Variants in CDH13 observed in about 807,000 individuals in gnomAD.
CDH13 encodes the protein cadherin 13.
CDH13 carries 24 observed loss-of-function variants against 63.8 expected under a neutral mutation model. That is an observed-to-expected ratio of 0.38 (90% confidence interval 0.27 to 0.53). The LOEUF is 0.53. CDH13 is among the 20% of genes least tolerant of loss of function. The pLI, the probability that CDH13 is intolerant of heterozygous loss-of-function variation, is 0.85. For synonymous variants in CDH13, 503 were observed against 355.3 expected, an observed-to-expected ratio of 1.42 and a Z score of -4.67; for missense variants, 1,049 against 903.1, an observed-to-expected ratio of 1.16 and a Z score of -2.07.
At chr16:83,251,682 A>T (rs1212796849) in intron 5 of CDH13, among the ~76,000 whole-genome samples, 2 of 152,224 alleles carry the variant, frequency 1.3e-5, no homozygotes, top group Non-Finnish European at 2.9e-5. Flanking sequence ...CTTCGTTGAC[A>T]AGCCAAGCCT....
intron 6 of CDH13, among the ~76,000 whole-genome samples, chr16:83,436,539 CT>C (rs1341946715): frequency 1.3e-5 from 2 of 152,056 alleles, no homozygotes; most frequent in Non-Finnish European, 2.9e-5. Context: ...CCATGGACAC[CT>C]TAATGCTTTC....
At chr16:82,666,757 G>T (rs535956130) in intron 1 of CDH13, among the ~76,000 whole-genome samples, 1 of 152,196 alleles carries the variant, frequency 6.6e-6, no homozygotes, top group East Asian at 1.9e-4. Flanking sequence ...GTTAAATGGT[G>T]TGCTCAAGGT....
intron 5 of CDH13, among the ~76,000 whole-genome samples, chr16:83,309,764 G>C (rs946167165): frequency 1.3e-5 from 2 of 152,090 alleles, no homozygotes; most frequent in Non-Finnish European, 2.9e-5. Flanking sequence ...ATGAGCCTCA[G>C]CCTTCTGGAA....
chr16:82,667,886 G>A (rs1428552092), intron 1 of CDH13, among the ~76,000 whole-genome samples: 1 of 152,154 alleles, frequency 6.6e-6, no homozygotes, highest in South Asian at 2.1e-4. Context: ...TTTCAAAGCT[G>A]TCTCAAAATG....
At chr16:82,720,990 A>G (rs2032734514) in intron 1 of CDH13, among the ~76,000 whole-genome samples, 2 of 152,218 alleles carry the variant, frequency 1.3e-5, no homozygotes, top group East Asian at 1.9e-4. Context: ...CTCTCCCCAC[A>G]TGATTATGGG....
At chr16:82,885,464 T>C (rs992542610) in intron 2 of CDH13, among the ~76,000 whole-genome samples, 2 of 24,760 alleles carry the variant, frequency 8.1e-5, no homozygotes, top group Admixed American at 6.5e-4. Context: ...TTCATCCACC[T>C]ACCCATCCAT....
intron 6 of CDH13, among the ~76,000 whole-genome samples, chr16:83,461,054 A>G (rs1297194985): frequency 6.6e-6 from 1 of 151,540 alleles, no homozygotes; most frequent in East Asian, 1.9e-4. Context: ...TTTTCCTAAG[A>G]GGAAAGGTAG....
chr16:83,302,079 C>G (rs889729), intron 5 of CDH13, among the ~76,000 whole-genome samples: 119,608 of 152,094 alleles, frequency 0.79, 48,820 homozygotes, highest in East Asian at 0.97. Flanking sequence ...ATCGTCCTTA[C>G]CTCATGTTGT....
At chr16:83,228,364 T>C (rs796821794) in intron 5 of CDH13, among the ~76,000 whole-genome samples, 4 of 152,266 alleles carry the variant, frequency 2.6e-5, no homozygotes, top group African/African-American at 7.2e-5. Context: ...CTAAAATTAT[T>C]GCATGGTTTG....
intron 10 of CDH13, among the ~76,000 whole-genome samples, chr16:83,678,969 T>A (rs544111552): frequency 6.6e-6 from 1 of 152,312 alleles, no homozygotes; most frequent in East Asian, 1.9e-4. Context: ...GCAAAGTTCA[T>A]GCTCCTTCTA....
In CDH13 at chr16:83,670,617, C is replaced by T. The variant is rs936617767; in HGVS notation, c.1102-173C>T. On this transcript the variant is annotated intron_variant, in intron 8 of 13. Coordinates refer to ENST00000567109, the MANE Select transcript of CDH13 (RefSeq NM_001257.5). The stretch of plus-strand genomic sequence containing the variant: ...GAGAGAAGTTAGTCTCGTGGCCTCA[C>T]CTAAGTTCAAGGAAAGCTGAGAAGA... Among the ~76,000 whole-genome samples the T allele has an allele frequency of 8.5e-5, 13 of 152,320 alleles. No homozygotes were observed. The East Asian group carries it at 2.3e-3, about 27-fold the overall frequency.
chr16:83,793,231 C>T (rs1180104638), intron 13 of CDH13, among the ~76,000 whole-genome samples: 1 of 152,170 alleles, frequency 6.6e-6, no homozygotes, highest in Admixed American at 6.5e-5. Context: ...GAATTCACGC[C>T]TCTGCTGGAA....
Position 82,724,987 on chromosome 16 carries a change from G to C in CDH13, c.45+97850G>C, listed in dbSNP as rs2033010296. Among the ~76,000 whole-genome samples, 4 of 152,270 alleles carry C rather than the reference G, an allele frequency of 2.6e-5. No individual in the cohort carries two copies. In the South Asian group the frequency reaches 8.3e-4, roughly 32 times the overall value. On this transcript the variant is annotated intron_variant, in intron 1 of 13. Coordinates refer to ENST00000567109, the MANE Select transcript of CDH13 (RefSeq NM_001257.5). ...AAGATTAAATAAGATGGCTTCTTAA[G>C]GATTAACTGAGATAATACATTTTAA...
At chr16:83,771,632 A>G (rs1333195057) in intron 11 of CDH13, among the ~76,000 whole-genome samples, 1 of 152,224 alleles carries the variant, frequency 6.6e-6, no homozygotes, top group Non-Finnish European at 1.5e-5. Flanking sequence ...TTCCCCCTCA[A>G]GACTTGCCAT....
intron 10 of CDH13, among the ~76,000 whole-genome samples, chr16:83,725,305 C>G (rs138684201): frequency 9.3e-4 from 142 of 152,312 alleles, no homozygotes; most frequent in Middle Eastern, 3.4e-3. Context: ...TGCAACGGGT[C>G]TTGTGTATCC....
rs150827592 is a variant in CDH13, at chr16:83,388,644, T to C, written c.781+43638T>C. ...TTTACCAATCTCTGCATGGCCACTT[T>C]AGGCCCTGCGTTGGTGTACCCCATC... On this transcript the variant is annotated intron_variant, in intron 6 of 13. Coordinates refer to ENST00000567109, the MANE Select transcript of CDH13 (RefSeq NM_001257.5). 1.0e-3 allele frequency among the ~76,000 whole-genome samples: 154 copies of C among 152,292 alleles called. 1 individual carries two copies. Among genetic ancestry groups the C allele is most frequent in the African/African-American group, 3.6e-3 (150 of 41,564 alleles).
chr16:82,639,915 C>T (rs1055739755), intron 1 of CDH13, among the ~76,000 whole-genome samples: 5 of 152,158 alleles, frequency 3.3e-5, no homozygotes, highest in Admixed American at 1.3e-4. Flanking sequence ...ACCTGGTGGC[C>T]GTGCCTATCT....
chr16:83,745,673 T>G (rs1349380338), intron 10 of CDH13, among the ~76,000 whole-genome samples: 1 of 152,210 alleles, frequency 6.6e-6, no homozygotes, highest in Non-Finnish European at 1.5e-5. Context: ...CCTTCTTCAG[T>G]GACCACAGCC....
At chr16:83,374,251 C>A (rs2091422861) in intron 6 of CDH13, among the ~76,000 whole-genome samples, 2 of 152,172 alleles carry the variant, frequency 1.3e-5, no homozygotes. Flanking sequence ...TTTCAATATA[C>A]CTCCATTTTA....
Sources: gnomAD v4.1 joint callset for allele counts (sites outside exome capture counted in the v4.1 genomes callset) on GRCh38, gnomAD v4.1.1 for gene constraint, MANE v1.5 for transcripts, NCBI Gene and HGNC (gene_info 2026-07-23, HGNC 2026-07-21) for gene names.